TRIO: variants seen among roughly 807,000 people sequenced by gnomAD.
TRIO encodes triple functional domain protein.
A neutral mutation model predicts 351.9 loss-of-function variants in TRIO; 58 were observed. That is an observed-to-expected ratio of 0.16 (90% CI 0.13 to 0.21). The LOEUF is 0.21. TRIO is among the 10% of genes least tolerant of loss of function. The pLI is 1.00. For synonymous variants in TRIO, 1,758 were observed against 1,595.7 expected, an observed-to-expected ratio of 1.10 and a Z score of -2.42; for missense variants, 3,201 against 4,027.8, an observed-to-expected ratio of 0.79 and a Z score of 5.56.
chr5:14,488,411 C>T (rs1756208856), intron 48 of TRIO, 151 bp downstream of exon 48: 9 of 1,222,842 alleles, frequency 7.4e-6, no homozygotes, highest in South Asian at 3.2e-5. Flanking sequence ...AACCCTCCTG[C>T]GGGCCGGCCC....
intron 33 of TRIO, among the ~76,000 whole-genome samples, chr5:14,419,191 A>G (rs953451074): frequency 1.1e-4 from 17 of 152,010 alleles, no homozygotes; most frequent in Non-Finnish European, 2.5e-4. Flanking sequence ...GGGAGCCTAG[A>G]AGGAATCTGA....
chr5:14,295,799 G>A (rs1179947654), intron 6 of TRIO, among the ~76,000 whole-genome samples: 1 of 152,176 alleles, frequency 6.6e-6, no homozygotes, highest in Non-Finnish European at 1.5e-5. Flanking sequence ...TGCTGAGCAT[G>A]GCTTGACTGT....
At chr5:14,224,788 C>T (rs774168039) in intron 1 of TRIO, among the ~76,000 whole-genome samples, 45 of 151,654 alleles carry the variant, frequency 3.0e-4, no homozygotes, top group Non-Finnish European at 5.2e-4. Flanking sequence ...GAGAGAATAA[C>T]GAAGAACTGA....
Position 14,488,335 on chromosome 5 carries a change from G to C in TRIO, c.7632+75G>C, listed in dbSNP as rs891250723. 6.7e-6 allele frequency: 10 copies of C among 1,492,450 alleles called. No individual in the cohort carries two copies. The African/African-American group carries it at 6.9e-5, about 10-fold the overall frequency. The allele number at this position is 1,492,450 out of a possible 1,614,324, so 92.5% of individuals were successfully genotyped here. A position where few individuals can be genotyped will look rare whatever the true frequency, so the allele number is the denominator to read the frequency against. ...GCCAGCTCTAAACGCCACCGCGGCT[G>C]TTCTCACTAACTCGGCTGCCCAGCG... On this transcript the variant is annotated intron_variant, in intron 48 of 56. Transcript: ENST00000344204.
At chr5:14,283,590 T>G (rs1289630686) in intron 3 of TRIO, among the ~76,000 whole-genome samples, 1 of 152,204 alleles carries the variant, frequency 6.6e-6, no homozygotes, top group Admixed American at 6.5e-5. Flanking sequence ...CCCTTCTATT[T>G]TCCTTCAATT....
At chr5:14,219,974 ATTTT>A (rs34731809) in intron 1 of TRIO, among the ~76,000 whole-genome samples, 2 of 129,362 alleles carry the variant, frequency 1.5e-5, no homozygotes, top group African/African-American at 3.0e-5. Flanking sequence ...ATGTACAGGC[ATTTT>A]TTTTTTTTTT....
chr5:14,349,126 G>C (rs1045650947), intron 11 of TRIO, among the ~76,000 whole-genome samples: 3 of 151,550 alleles, frequency 2.0e-5, no homozygotes, highest in Admixed American at 6.6e-5. Context: ...GCATGCACAT[G>C]AGCATGTTTT....
rs1230769653 is a variant in TRIO, at chr5:14,304,549, A to G, written c.1457A>G (p.His486Arg). Residue 486 changes from histidine to arginine, a missense_variant, in exon 8 of 57, where the codon CAC becomes CGC. Physicochemically the swap from His to Arg is conservative, Grantham distance 29. Transcript: ENST00000344204. Reference protein sequence around the residue: ...ELQDLEDAIHHHQGIYEHITL... With the variant: ...ELQDLEDAIHRHQGIYEHITL... ...CAGGACCTAGAAGATGCCATTCATC[A>G]CCACCAGGGAATATATGAACATATC... is the stretch of plus-strand genomic sequence containing the variant. 4 of 1,614,016 alleles carry G rather than the reference A, an allele frequency of 2.5e-6. No individual in the cohort carries two copies. Among genetic ancestry groups the G allele is most frequent in the African/African-American group, 2.7e-5 (2 of 74,912 alleles).
At chr5:14,296,888 C>G (rs906481732) in intron 6 of TRIO, among the ~76,000 whole-genome samples, 184 bp from the exon 7 acceptor site, 2 of 152,150 alleles carry the variant, frequency 1.3e-5, no homozygotes, top group Admixed American at 1.3e-4. Flanking sequence ...GAAACCAATA[C>G]TTCAAGTTTA....
chr5:14,437,725 C>T (rs1751709964), intron 34 of TRIO, among the ~76,000 whole-genome samples: 1 of 147,696 alleles, frequency 6.8e-6, no homozygotes, highest in Non-Finnish European at 1.5e-5. Context: ...ACTCTTTCAC[C>T]TCTTTAAATT....
intron 33 of TRIO, among the ~76,000 whole-genome samples, chr5:14,414,730 C>T (rs1305777635): frequency 2.0e-5 from 3 of 148,976 alleles, no homozygotes; most frequent in African/African-American, 5.1e-5. Context: ...CAATAGTCCT[C>T]CTCTTTTAAA....
chr5:14,318,354 C>T (rs1739567202), intron 9 of TRIO, among the ~76,000 whole-genome samples: 2 of 147,156 alleles, frequency 1.4e-5, no homozygotes, highest in Non-Finnish European at 3.0e-5. Flanking sequence ...ACTCAGGAGG[C>T]TGAGGCAGGA....
At chr5:14,154,443 T>G (rs1371300159) in intron 1 of TRIO, among the ~76,000 whole-genome samples, 1 of 152,140 alleles carries the variant, frequency 6.6e-6, no homozygotes, top group Non-Finnish European at 1.5e-5. Context: ...GCTGTTTCGT[T>G]GTAGCCACTC....
rs755106488 is a variant in TRIO, at chr5:14,497,141, G to A, written c.8019+124G>A. 4.3e-5 allele frequency: 59 copies of A among 1,374,110 alleles called. 2 individuals are homozygous for A. The South Asian group carries it at 4.9e-4, about 11-fold the overall frequency. 85.1% of individuals were successfully genotyped at this position (1,374,110 alleles called of 1,614,324 possible). A position where few individuals can be genotyped will look rare whatever the true frequency, so the allele number is the denominator to read the frequency against. On this transcript the variant is annotated intron_variant, in intron 50 of 56. Coordinates refer to ENST00000344204, the MANE Select transcript of TRIO (RefSeq NM_007118.4). The surrounding 1 kb of genome is among the most constrained non-coding windows in gnomAD (Gnocchi z 4.4). ...GACCTCCCTCCCACCCACCAGCCCC[G>A]TGCCCTGCGTGTCCTGTAGGGTCTT...
intron 11 of TRIO, among the ~76,000 whole-genome samples, chr5:14,341,437 T>G (rs1295142153): frequency 1.3e-5 from 2 of 152,232 alleles, no homozygotes; most frequent in African/African-American, 4.8e-5. Context: ...TTTAAATTCC[T>G]TGAAGCCCAG....
Position 14,281,003 on chromosome 5 carries a change from G to A in TRIO, c.347+567G>A, listed in dbSNP as rs1041470668. On this transcript the variant is annotated intron_variant, in intron 3 of 56. Transcript: ENST00000344204. ...CAATGTTGTGTTTTCTGGAGAGTCC[G>A]CAAGTGGGGAGTCATGAGTTACTAG... 3.9e-5 allele frequency among the ~76,000 whole-genome samples: 6 copies of A among 152,136 alleles called. No homozygotes were observed. In the South Asian group the frequency reaches 6.2e-4, roughly 16 times the overall value.
intron 16 of TRIO, among the ~76,000 whole-genome samples, chr5:14,368,414 A>G (rs1446598020): frequency 6.6e-6 from 1 of 152,176 alleles, no homozygotes; most frequent in Non-Finnish European, 1.5e-5. Flanking sequence ...TTTGGCTGTT[A>G]AGGGTCTTTC....
chr5:14,281,382 C>T (rs1363675903), intron 3 of TRIO, among the ~76,000 whole-genome samples: 2 of 150,898 alleles, frequency 1.3e-5, no homozygotes, highest in Non-Finnish European at 2.9e-5. Flanking sequence ...ATGAGAACTC[C>T]ATCAGGGGAC....
Position 14,470,716 on chromosome 5 carries a change from G to A in TRIO, c.5764-602G>A, listed in dbSNP as rs3804216. Among the ~76,000 whole-genome samples the A allele has an allele frequency of 1.5e-4, 23 of 152,324 alleles. No individual in the cohort carries two copies. The East Asian group carries it at 1.5e-3, about 10-fold the overall frequency. On this transcript the variant is annotated intron_variant, in intron 37 of 56. Transcript: ENST00000344204. ...TTGCAGAAGTAATTAAGACAAGCAC[G>A]ATTACTATTTTGTATAGAGGGATAG...
Sources: gnomAD v4.1 joint callset for allele counts (sites outside exome capture counted in the v4.1 genomes callset) on GRCh38, gnomAD v4.1.1 for gene constraint, Gnocchi (gnomAD v3.1) non-coding constraint, MANE v1.5 for transcripts, NCBI Gene and HGNC (gene_info 2026-07-23, HGNC 2026-07-21) for gene names.